CNTNAP5: variants seen among roughly 807,000 people sequenced by gnomAD.
CNTNAP5 encodes the protein contactin associated protein family member 5.
In CNTNAP5, 72 loss-of-function variants were observed where a neutral mutation model predicts 150.2. That is an observed-to-expected ratio of 0.48 (90% confidence interval 0.40 to 0.58). The LOEUF (loss-of-function observed/expected upper bound fraction) is 0.58, where lower values mean the gene tolerates loss of function less well. CNTNAP5 is among the 20% of genes least tolerant of loss of function. CNTNAP5 has a pLI of 0.00. For synonymous variants in CNTNAP5, 672 were observed against 619.8 expected (o/e 1.08, Z -1.25); for missense variants, 1,636 against 1,626.2 (o/e 1.01, Z -0.10).
intron 13 of CNTNAP5, among the ~76,000 whole-genome samples, chr2:124,745,062 C>T (rs1322824328): frequency 1.3e-5 from 2 of 152,030 alleles, no homozygotes; most frequent in East Asian, 1.9e-4. Flanking sequence ...GAGGCCAAAG[C>T]GGTGCAAGAT....
At chr2:124,055,277 G>A (rs1681815208) in intron 1 of CNTNAP5, among the ~76,000 whole-genome samples, 1 of 152,176 alleles carries the variant, frequency 6.6e-6, no homozygotes, top group African/African-American at 2.4e-5. Flanking sequence ...TTCATCTGGT[G>A]TGGAGTTCTT....
intron 4 of CNTNAP5, among the ~76,000 whole-genome samples, chr2:124,425,068 G>T (rs997820269): frequency 3.3e-5 from 5 of 152,180 alleles, no homozygotes; most frequent in South Asian, 2.1e-4. Flanking sequence ...GCAACAGTAC[G>T]TTTCCACAAA....
At chr2:124,087,699 G>A (rs184054989) in intron 1 of CNTNAP5, among the ~76,000 whole-genome samples, 3 of 151,908 alleles carry the variant, frequency 2.0e-5, no homozygotes, top group Non-Finnish European at 4.4e-5. Context: ...TCCAGCCTGG[G>A]CGACAGAGCG....
intron 1 of CNTNAP5, among the ~76,000 whole-genome samples, chr2:124,079,893 T>G (rs962402554): frequency 6.6e-6 from 1 of 152,190 alleles, no homozygotes; most frequent in Non-Finnish European, 1.5e-5. Flanking sequence ...CAGATATGTT[T>G]CAGTCTTCCT....
At chr2:124,825,486 A>C (rs868230546) in intron 19 of CNTNAP5, among the ~76,000 whole-genome samples, 26 of 152,338 alleles carry the variant, frequency 1.7e-4, no homozygotes, top group African/African-American at 6.0e-4. Flanking sequence ...GACCTTAACT[A>C]TAGAACACCT....
intron 3 of CNTNAP5, among the ~76,000 whole-genome samples, chr2:124,413,246 G>A (rs1000221923): frequency 1.0e-4 from 15 of 150,296 alleles, no homozygotes; most frequent in South Asian, 8.5e-4. Context: ...TGCTGGAGAG[G>A]ATGTGGAGAA....
chr2:124,059,191 G>A (rs1573724258), intron 1 of CNTNAP5, among the ~76,000 whole-genome samples: 2 of 151,934 alleles, frequency 1.3e-5, no homozygotes, highest in Admixed American at 6.6e-5. Flanking sequence ...CTCTTACTTA[G>A]GTAGTAAAAG....
At chr2:124,578,650 T>C (rs1243043105) in intron 11 of CNTNAP5, among the ~76,000 whole-genome samples, 1 of 152,074 alleles carries the variant, frequency 6.6e-6, no homozygotes, top group Non-Finnish European at 1.5e-5. Context: ...TGCACGCCTA[T>C]AGTCCCAGCT....
chr2:124,524,594 A>G, intron 9 of CNTNAP5, 142 bp downstream of exon 9: 1 of 749,668 alleles, frequency 1.3e-6, no homozygotes, highest in East Asian at 2.7e-5. Context: ...ACATACACAC[A>G]CACCCTCAAT....
chr2:124,542,071 A>G (rs1695399783), intron 10 of CNTNAP5, among the ~76,000 whole-genome samples: 1 of 151,812 alleles, frequency 6.6e-6, no homozygotes, highest in Admixed American at 6.6e-5. Context: ...CCAAATGCAT[A>G]CGTTATTGCA....
At chr2:124,385,174 GT>G (rs556232356) in intron 3 of CNTNAP5, among the ~76,000 whole-genome samples, 136 of 152,294 alleles carry the variant, frequency 8.9e-4, no homozygotes, top group African/African-American at 2.9e-3. Flanking sequence ...GATGAGGAAA[GT>G]TTAGCATGAA....
At chr2:124,108,182 A>T (rs1683209766) in intron 1 of CNTNAP5, among the ~76,000 whole-genome samples, 1 of 152,154 alleles carries the variant, frequency 6.6e-6, no homozygotes, top group Admixed American at 6.5e-5. Flanking sequence ...TTTAGGGTAA[A>T]AATCTTGAGG....
chr2:124,348,903 C>G (rs1267276478), intron 3 of CNTNAP5, among the ~76,000 whole-genome samples: 3 of 152,052 alleles, frequency 2.0e-5, no homozygotes, highest in Non-Finnish European at 4.4e-5. Context: ...GTATAATTCT[C>G]TCTATATGTC....
rs1283567098 is a variant in CNTNAP5, at chr2:124,425,686, T to G, written c.529+8096T>G. On this transcript the variant is annotated intron_variant, in intron 4 of 23. Coordinates refer to ENST00000682447, the MANE Select transcript of CNTNAP5 (RefSeq NM_001367498.1). ...CTCCCCTTTTCAATCCCACAAGTCC[T>G]CATTAGGGTAATAAGTTGTAGGGAT... Among the ~76,000 whole-genome samples, 3 of 152,230 alleles carry G rather than the reference T, an allele frequency of 2.0e-5. No homozygotes were observed. In the East Asian group the frequency reaches 5.8e-4, roughly 29 times the overall value.
intron 19 of CNTNAP5, among the ~76,000 whole-genome samples, chr2:124,815,134 T>C (rs1417832296): frequency 1.3e-5 from 2 of 152,222 alleles, no homozygotes; most frequent in Admixed American, 1.3e-4. Flanking sequence ...TAAGCCTGGG[T>C]GTCCAGCAAC....
chr2:124,770,368 G>A (rs1430558515), intron 16 of CNTNAP5, among the ~76,000 whole-genome samples: 1 of 152,096 alleles, frequency 6.6e-6, no homozygotes, highest in South Asian at 2.1e-4. Flanking sequence ...TATGGAGGTT[G>A]TGGTCAGGGG....
chr2:124,866,308 C>A (rs1038308066), intron 20 of CNTNAP5, among the ~76,000 whole-genome samples: 11 of 152,074 alleles, frequency 7.2e-5, no homozygotes, highest in Non-Finnish European at 1.6e-4. Context: ...GGTTCCACAG[C>A]AGATCTATTA....
At chr2:124,594,351 A>C (rs894531104) in intron 11 of CNTNAP5, among the ~76,000 whole-genome samples, 3 of 151,106 alleles carry the variant, frequency 2.0e-5, no homozygotes, top group African/African-American at 4.9e-5. Flanking sequence ...AGCTTTCTAC[A>C]TATGGCTAGC....
intron 18 of CNTNAP5, among the ~76,000 whole-genome samples, chr2:124,791,676 T>C (rs1681731736): frequency 1.3e-5 from 2 of 150,884 alleles, no homozygotes; most frequent in Non-Finnish European, 2.9e-5. Flanking sequence ...CATATTGTTC[T>C]AAATGTAGCC....
Sources: allele counts gnomAD v4.1 joint callset (sites outside exome capture counted in the v4.1 genomes callset), GRCh38; gene constraint gnomAD v4.1.1; transcripts MANE v1.5; gene names NCBI Gene and HGNC (gene_info 2026-07-23, HGNC 2026-07-21).